Variants in CCSER1 observed in about 807,000 individuals in gnomAD.
The protein encoded by CCSER1 is serine-rich coiled-coil domain-containing protein 1.
In CCSER1, 41 loss-of-function variants were observed where a neutral mutation model predicts 82.0. That is an observed-to-expected ratio of 0.50 (90% CI 0.39 to 0.65). The LOEUF is 0.65. Among genes scored for constraint, CCSER1 ranks in the 30% least tolerant of loss-of-function variants. The pLI is 0.00. For missense variants in CCSER1, 1,119 were observed against 1,064.2 expected (o/e 1.05, Z -0.72); for synonymous variants, 414 against 383.9 (o/e 1.08, Z -0.92).
intron 3 of CCSER1, among the ~76,000 whole-genome samples, chr4:90,381,482 G>A (rs529842063): frequency 1.3e-5 from 2 of 152,216 alleles, no homozygotes; most frequent in South Asian, 2.1e-4. Context: ...ATATATGGGT[G>A]AGTATGTTTA....
chr4:90,886,416 C>T (rs949023376), intron 8 of CCSER1, among the ~76,000 whole-genome samples: 1 of 152,168 alleles, frequency 6.6e-6, no homozygotes, highest in South Asian at 2.1e-4. Context: ...TGAGCTACCT[C>T]CCCCAGAAAT....
At chr4:90,555,114 AT>A (rs199775324) in intron 5 of CCSER1, among the ~76,000 whole-genome samples, 12 of 150,886 alleles carry the variant, frequency 8.0e-5, no homozygotes, top group Admixed American at 1.3e-4. Flanking sequence ...CATAAAATTC[AT>A]TTTTTTTTCA....
chr4:91,030,816 G>T (rs35194740), intron 9 of CCSER1, among the ~76,000 whole-genome samples: 51,184 of 151,364 alleles, frequency 0.34, 10,406 homozygotes, highest in East Asian at 0.58. Flanking sequence ...TGTGTGAAAA[G>T]CTGTATAAAT....
At chr4:91,401,534 TC>T (rs763015696) in intron 10 of CCSER1, among the ~76,000 whole-genome samples, 239 of 151,974 alleles carry the variant, frequency 1.6e-3, no homozygotes, top group Admixed American at 2.6e-3. Flanking sequence ...ATCTCCTAAT[TC>T]TATTCGTCCC....
intron 1 of CCSER1, among the ~76,000 whole-genome samples, chr4:90,227,366 C>T (rs1285984717): frequency 1.3e-5 from 2 of 152,180 alleles, no homozygotes; most frequent in East Asian, 3.9e-4. Flanking sequence ...TTTGGGAAAT[C>T]TGTGTTTTTT....
rs559266342 is a variant in CCSER1, at chr4:91,168,663, C to T, written c.2217+82669C>T. Among the ~76,000 whole-genome samples, 22 of 152,094 alleles carry T rather than the reference C, an allele frequency of 1.4e-4. No homozygotes were observed. The East Asian group carries it at 2.5e-3, about 17-fold the overall frequency. On this transcript the variant is annotated intron_variant, in intron 10 of 10. Transcript: ENST00000509176. ...CTGGGAAGTGAGGAGTGCCTCTGCC[C>T]GACCGCCCCATCTGGGAGGTGTACC... is the stretch of plus-strand genomic sequence containing the variant.
chr4:90,403,512 A>T (rs1246707691), intron 4 of CCSER1, among the ~76,000 whole-genome samples: 3 of 150,624 alleles, frequency 2.0e-5, no homozygotes. Flanking sequence ...AAAAAAAAAA[A>T]AAAAAAAAGA....
chr4:91,301,873 T>C (rs1744695620), intron 10 of CCSER1, among the ~76,000 whole-genome samples: 1 of 151,864 alleles, frequency 6.6e-6, no homozygotes, highest in South Asian at 2.1e-4. Flanking sequence ...ATGGACCACT[T>C]TCTTCTCATT....
chr4:90,606,674 G>C (rs1186842481), intron 5 of CCSER1, among the ~76,000 whole-genome samples: 1 of 151,968 alleles, frequency 6.6e-6, no homozygotes, highest in Non-Finnish European at 1.5e-5. Context: ...GCAAATCTAT[G>C]GCATGGATAT....
At chr4:90,658,281 C>T (rs186665169) in intron 6 of CCSER1, among the ~76,000 whole-genome samples, 1 of 152,226 alleles carries the variant, frequency 6.6e-6, no homozygotes, top group East Asian at 1.9e-4. Context: ...TATTAACTTT[C>T]TGCAGAAAGG....
intron 9 of CCSER1, among the ~76,000 whole-genome samples, chr4:91,062,198 A>G (rs1744012513): frequency 6.6e-6 from 1 of 152,030 alleles, no homozygotes; most frequent in African/African-American, 2.4e-5. Flanking sequence ...TTGCCTTCCT[A>G]TTAATTATTC....
chr4:91,224,504 G>T (rs537768435), intron 10 of CCSER1, among the ~76,000 whole-genome samples: 1 of 152,148 alleles, frequency 6.6e-6, no homozygotes, highest in South Asian at 2.1e-4. Flanking sequence ...GTCATATGTG[G>T]TTACTGAGCA....
chr4:91,599,198 C>A lies in CCSER1; in HGVS notation c.*141C>A. The stretch of plus-strand genomic sequence containing the variant: ...GTGTTGTTGGGTTTTTTTTCTTAGT[C>A]ATAAACAAAGACTTGTGGGTTTTTT... On this transcript the variant is annotated 3_prime_UTR_variant, in exon 11 of 11. Transcript: ENST00000509176. 9.2e-7 allele frequency: 1 copy of A among 1,082,604 alleles called. No individual in the cohort carries two copies. The highest frequency in any genetic ancestry group is 1.3e-6 in the Non-Finnish European group (1 of 789,080). 67.1% of individuals were successfully genotyped at this position (1,082,604 alleles called of 1,614,324 possible). A position where few individuals can be genotyped will look rare whatever the true frequency, so the allele number is the denominator to read the frequency against.
chr4:91,324,427 C>T (rs746152988), intron 10 of CCSER1, among the ~76,000 whole-genome samples: 35 of 151,994 alleles, frequency 2.3e-4, no homozygotes, highest in Non-Finnish European at 4.0e-4. Flanking sequence ...TTTGTTCACA[C>T]GAGCAAAATG....
chr4:90,941,908 T>G (rs1410409957), intron 9 of CCSER1, among the ~76,000 whole-genome samples: 8 of 152,172 alleles, frequency 5.3e-5, no homozygotes, highest in Non-Finnish European at 8.8e-5. Flanking sequence ...CATTAAGAGT[T>G]GTTAGAATAT....
chr4:90,244,458 A>G (rs1026913665), intron 1 of CCSER1, among the ~76,000 whole-genome samples: 1 of 152,200 alleles, frequency 6.6e-6, no homozygotes, highest in Non-Finnish European at 1.5e-5. Context: ...AGAAAGACCT[A>G]TGTATTAGTC....
intron 9 of CCSER1, among the ~76,000 whole-genome samples, chr4:90,961,809 A>G (rs1181246596): frequency 6.6e-6 from 1 of 152,110 alleles, no homozygotes; most frequent in Non-Finnish European, 1.5e-5. Context: ...TCAATATAAT[A>G]TAGAATTGTT....
chr4:90,271,212 G>A (rs1206402763), intron 1 of CCSER1, among the ~76,000 whole-genome samples: 1 of 152,096 alleles, frequency 6.6e-6, no homozygotes, highest in Non-Finnish European at 1.5e-5. Context: ...GAAGACTGGA[G>A]GAATCACATT....
intron 1 of CCSER1, among the ~76,000 whole-genome samples, chr4:90,229,362 G>C (rs1302691074): frequency 6.6e-6 from 1 of 152,016 alleles, no homozygotes; most frequent in East Asian, 1.9e-4. Context: ...TTCATATCCA[G>C]CCAAACTAAG....
Sources: gnomAD v4.1 joint callset for allele counts (sites outside exome capture counted in the v4.1 genomes callset) on GRCh38, gnomAD v4.1.1 for gene constraint, MANE v1.5 for transcripts, NCBI Gene and HGNC (gene_info 2026-07-23, HGNC 2026-07-21) for gene names.